Variants in CLINT1 observed in about 807,000 individuals in gnomAD.
CLINT1 encodes clathrin interactor 1.
In CLINT1, 15 loss-of-function variants were observed where a neutral mutation model predicts 70.4. That is an observed-to-expected ratio of 0.21 (90% CI 0.14 to 0.33). The LOEUF (loss-of-function observed/expected upper bound fraction) is 0.33. Ranked by LOEUF, CLINT1 falls within the 10% of genes least tolerant of loss-of-function variation. CLINT1 has a pLI of 1.00. For synonymous variants in CLINT1, 227 were observed against 254.7 expected (o/e 0.89, Z 1.04); for missense variants, 615 against 778.1 (o/e 0.79, Z 2.49).
intron 1 of CLINT1, among the ~76,000 whole-genome samples, chr5:157,819,440 C>T (rs1400634740): frequency 6.6e-6 from 1 of 152,044 alleles, no homozygotes; most frequent in Non-Finnish European, 1.5e-5. Flanking sequence ...GTTAAGACCA[C>T]TAAGGAATAC....
chr5:157,791,350 G>T (rs550792556), intron 10 of CLINT1, among the ~76,000 whole-genome samples: 2 of 152,144 alleles, frequency 1.3e-5, no homozygotes, highest in African/African-American at 4.8e-5. Flanking sequence ...GAGCCACTGC[G>T]CCTGGCCTAT....
chr5:157,839,927 A>C (rs575657380), intron 1 of CLINT1, among the ~76,000 whole-genome samples: 11 of 152,182 alleles, frequency 7.2e-5, no homozygotes, highest in Non-Finnish European at 5.9e-5. Context: ...AAGGGTGCTC[A>C]AAAGAAAAAA....
In CLINT1 at chr5:157,809,694, C is replaced by T. The variant is rs985986240; in HGVS notation, c.629G>A (p.Ser210Asn). Residue 210 changes from serine to asparagine, a missense_variant, in exon 6 of 12, where the codon AGC (serine) becomes AAC (asparagine). Physicochemically the swap from Ser to Asn is conservative, Grantham distance 46. Transcript: ENST00000411809. ...KLGELSDKIG[S>N]TIDDTISKFR... The stretch of plus-strand genomic sequence containing the variant: ...CTTGCTGATGGTGTCATCAATTGTG[C>T]TTCCAATTTTATCACTCAGCTCACC... 1.9e-6 allele frequency: 3 copies of T among 1,613,340 alleles called. No individual in the cohort carries two copies. The highest frequency in any genetic ancestry group is 2.2e-5 in the South Asian group (2 of 90,996).
Position 157,805,983 on chromosome 5 carries a change from G to C in CLINT1, c.825C>G (p.His275Gln), listed in dbSNP as rs753124248. 5.6e-6 allele frequency: 9 copies of C among 1,613,846 alleles called. No homozygotes were observed. The Admixed American group carries it at 1.3e-4, about 24-fold the overall frequency. The change falls in exon 7 of 12, where the codon CAC becomes CAG. Residue 275 changes from histidine to glutamine, a missense_variant. Around this residue, in one of 2 missense-constraint regions of CLINT1, gnomAD observed 241 missense variants for 368.6 expected, o/e 0.65. Transcript: ENST00000411809. ...TTTTGGAAGGATTTGCTGTGCGCTT[G>C]TGTCTGGTTGTGGTGGTCTCTGTGG... is the stretch of plus-strand genomic sequence containing the variant. ...TQATETTTTRHKRTANPSKTI... is the reference protein window; with the variant it reads ...TQATETTTTRQKRTANPSKTI...
intron 1 of CLINT1, among the ~76,000 whole-genome samples, chr5:157,854,026 T>C (rs1317061255): frequency 1.3e-5 from 2 of 152,138 alleles, no homozygotes; most frequent in African/African-American, 2.4e-5. Flanking sequence ...AATTAATTCA[T>C]TGTTTCAGCA....
At chr5:157,789,006 A>G (rs1414204241) in intron 11 of CLINT1, among the ~76,000 whole-genome samples, 3 of 151,512 alleles carry the variant, frequency 2.0e-5, no homozygotes, top group Non-Finnish European at 2.9e-5. Context: ...ATAGAAAGAA[A>G]TATGTATTAA....
intron 5 of CLINT1, among the ~76,000 whole-genome samples, chr5:157,810,121 T>C (rs1762509241): frequency 6.6e-6 from 1 of 152,202 alleles, no homozygotes; most frequent in East Asian, 1.9e-4. Context: ...ACAAGCTATA[T>C]AAGCAAAAGA....
intron 1 of CLINT1, among the ~76,000 whole-genome samples, chr5:157,836,779 G>C (rs1016603702): frequency 2.0e-5 from 3 of 152,144 alleles, no homozygotes; most frequent in African/African-American, 7.2e-5. Context: ...CAGTCTTAAA[G>C]TAGGTGCCAC....
At chr5:157,828,081 A>G (rs966279893) in intron 1 of CLINT1, among the ~76,000 whole-genome samples, 2 of 152,184 alleles carry the variant, frequency 1.3e-5, no homozygotes, top group Admixed American at 6.5e-5. Context: ...TGTGTAAAGC[A>G]TTCAGTTTTC....
At chr5:157,842,997 G>T (rs527443593) in intron 1 of CLINT1, among the ~76,000 whole-genome samples, 6 of 152,204 alleles carry the variant, frequency 3.9e-5, no homozygotes, top group African/African-American at 1.4e-4. Flanking sequence ...GGTATCATAT[G>T]TTAGACTGGT....
rs184838547 is a variant in CLINT1 at position 157,855,399 on chromosome 5, T to C, written c.41+3531A>G. 2.4e-3 allele frequency among the ~76,000 whole-genome samples: 369 copies of C among 152,262 alleles called. 2 individuals are homozygous for C. Among genetic ancestry groups the C allele is most frequent in the African/African-American group, 8.3e-3 (346 of 41,548 alleles). ...ATTTTATTACAGCCACAAGTAAAGA[T>C]AGGTCATAGGATGACAATGATTAAG... On this transcript the variant is annotated intron_variant, in intron 1 of 11. Transcript: ENST00000411809.
intron 1 of CLINT1, among the ~76,000 whole-genome samples, chr5:157,848,598 G>A (rs1464075641): frequency 1.3e-5 from 2 of 150,772 alleles, no homozygotes; most frequent in African/African-American, 4.9e-5. Context: ...CTGCCTCCCG[G>A]GTTCAAGTGA....
intron 1 of CLINT1, among the ~76,000 whole-genome samples, chr5:157,829,689 ATTTTTT>A (rs3075709): frequency 9.2e-6 from 1 of 109,144 alleles, no homozygotes. Flanking sequence ...ACACCCAGCT[ATTTTTT>A]TTTTTTTTTT....
At chr5:157,828,326 G>A (rs1434061694) in intron 1 of CLINT1, among the ~76,000 whole-genome samples, 1 of 152,166 alleles carries the variant, frequency 6.6e-6, no homozygotes, top group African/African-American at 2.4e-5. Flanking sequence ...GTTAAGGGAA[G>A]TAGGATGAAA....
At chr5:157,815,742 C>G (rs972701496) in intron 3 of CLINT1, among the ~76,000 whole-genome samples, 2 of 152,190 alleles carry the variant, frequency 1.3e-5, no homozygotes, top group Non-Finnish European at 2.9e-5. Flanking sequence ...TGGCCTGCTA[C>G]ACACTGACAA....
chr5:157,848,658 AATGCCGGCTAATTGTGTTTTTGAG>A (rs1335812713), intron 1 of CLINT1, among the ~76,000 whole-genome samples: 1 of 151,790 alleles, frequency 6.6e-6, no homozygotes, highest in African/African-American at 2.4e-5. Flanking sequence ...GGTGCGCCAG[AATGCCGGCTAATTGTGTTTTTGAG>A]ATGCAGTCTC....
At chr5:157,806,162 A>C in intron 6 of CLINT1, 50 bp from the exon 7 acceptor site, 1 of 1,579,926 alleles carries the variant, frequency 6.3e-7, no homozygotes, top group Non-Finnish European at 8.6e-7. Flanking sequence ...ATTATTTTAA[A>C]ATGGGTCCCT....
intron 8 of CLINT1, chr5:157,796,198 C>T (rs1762061860): frequency 6.6e-6 from 1 of 152,080 alleles, no homozygotes; most frequent in Non-Finnish European, 1.5e-5. Flanking sequence ...AGCTTTTTTG[C>T]TACTTCTAGA....
chr5:157,844,959 T>C (rs1296049063), intron 1 of CLINT1, among the ~76,000 whole-genome samples: 1 of 152,236 alleles, frequency 6.6e-6, no homozygotes, highest in Non-Finnish European at 1.5e-5. Context: ...TCACAGTCAT[T>C]ATTCAGAATA....
Sources: gnomAD v4.1 joint callset for allele counts (sites outside exome capture counted in the v4.1 genomes callset) on GRCh38, gnomAD v4.1.1 for gene constraint, gnomAD v4.1.1 regional missense constraint, MANE v1.5 for transcripts, NCBI Gene and HGNC (gene_info 2026-07-23, HGNC 2026-07-21) for gene names.